Variants in TNR observed in about 807,000 individuals in gnomAD.
TNR encodes tenascin R.
Under a neutral mutation model 150.4 loss-of-function variants are expected in TNR, and 45 were observed. That is an observed-to-expected ratio of 0.30 (90% CI 0.24 to 0.38). The LOEUF (loss-of-function observed/expected upper bound fraction) is 0.38, where lower values mean the gene tolerates loss of function less well. Among genes scored for constraint, TNR ranks in the 10% least tolerant of loss-of-function variants. The pLI is 1.00. For synonymous variants in TNR, 687 were observed against 678.4 expected (o/e 1.01, Z -0.20); for missense variants, 1,544 against 1,759.1 (o/e 0.88, Z 2.19).
chr1:175,394,035 C>A (rs1571379493), intron 5 of TNR, 140 bp from the exon 6 acceptor site: 2 of 660,868 alleles, frequency 3.0e-6, no homozygotes, highest in East Asian at 2.7e-5. Flanking sequence ...TTGCTCCAGA[C>A]ACAGTGAGTC....
At chr1:175,515,400 A>G (rs1285235855) in intron 2 of TNR, among the ~76,000 whole-genome samples, 3 of 152,216 alleles carry the variant, frequency 2.0e-5, no homozygotes, top group African/African-American at 7.2e-5. Flanking sequence ...CGCCTAATTC[A>G]GTCTAGGTTT....
At chr1:175,452,939 A>G (rs1308133478) in intron 2 of TNR, among the ~76,000 whole-genome samples, 2 of 152,116 alleles carry the variant, frequency 1.3e-5, no homozygotes, top group Non-Finnish European at 2.9e-5. Flanking sequence ...ATGTGGAGGG[A>G]GAGAAGCCCT....
chr1:175,335,508 G>C, intron 20 of TNR: 2 of 531,792 alleles, frequency 3.8e-6, no homozygotes, highest in Non-Finnish European at 6.6e-6. Flanking sequence ...GGAAGAGACA[G>C]AGAAAAGAGG....
chr1:175,666,580 A>G (rs1665537678), intron 1 of TNR, among the ~76,000 whole-genome samples: 1 of 152,232 alleles, frequency 6.6e-6, no homozygotes, highest in Non-Finnish European at 1.5e-5. Flanking sequence ...CGTGCTGCCA[A>G]GCCCGTCATC....
chr1:175,505,385 G>A (rs79482642), intron 2 of TNR, among the ~76,000 whole-genome samples: 2 of 152,226 alleles, frequency 1.3e-5, no homozygotes, highest in Non-Finnish European at 1.5e-5. Context: ...CTGACTGAGC[G>A]AGCAGGGAGA....
In TNR at chr1:175,365,166, T is replaced by TGGG; in HGVS notation, c.2428_2430dup (p.Pro810dup). On this transcript the variant is annotated inframe_insertion, in exon 12 of 23. Transcript: ENST00000367674. ...TCCATCATCTCTTCCTCCTCATCCC[T>TGGG]GGGGCTGTAGTTAAGAATGAGTCTG... 1 of 1,614,078 alleles carries TGGG rather than the reference T, an allele frequency of 6.2e-7. No individual in the cohort carries two copies. The highest frequency in any genetic ancestry group is 8.5e-7 in the Non-Finnish European group (1 of 1,179,992).
chr1:175,671,950 T>TGTGTGTGTGTGTGTG (rs1491413157), intron 1 of TNR, among the ~76,000 whole-genome samples: 10 of 137,952 alleles, frequency 7.2e-5, no homozygotes, highest in African/African-American at 2.4e-4. Flanking sequence ...TGTGTGTGTG[T>TGTGTGTGTGTGTGTG]TGGAGAGGGG....
chr1:175,690,270 C>G (rs918658975), intron 1 of TNR, among the ~76,000 whole-genome samples: 2 of 152,178 alleles, frequency 1.3e-5, no homozygotes, highest in African/African-American at 4.8e-5. Flanking sequence ...GTGACAAAGA[C>G]AGATGAGGTC....
intron 1 of TNR, among the ~76,000 whole-genome samples, chr1:175,691,940 G>A (rs1377633301): frequency 6.6e-6 from 1 of 152,046 alleles, no homozygotes; most frequent in Non-Finnish European, 1.5e-5. Context: ...GGGCTTCCTT[G>A]AGAAGAATAC....
At chr1:175,451,472 GCCAGCCGCCAGCCT>G (rs1034644720) in intron 2 of TNR, among the ~76,000 whole-genome samples, 59 of 214 alleles carry the variant, frequency 0.28, no homozygotes, top group African/African-American at 0.44. Context: ...TGATCTAGAA[GCCAGCCGCCAGCCT>G]CCAGGCCTCC....
chr1:175,325,322 C>T (rs1054096209), intron 21 of TNR, among the ~76,000 whole-genome samples: 1 of 152,174 alleles, frequency 6.6e-6, no homozygotes, highest in African/African-American at 2.4e-5. Flanking sequence ...AATGAGATAC[C>T]ATCTCACACC....
At chr1:175,665,092 A>T (rs1232548461) in intron 1 of TNR, among the ~76,000 whole-genome samples, 2 of 152,232 alleles carry the variant, frequency 1.3e-5, no homozygotes, top group African/African-American at 4.8e-5. Flanking sequence ...TCTCAACGTT[A>T]GCCAGTTGGT....
At chr1:175,494,742 T>C (rs897255939) in intron 2 of TNR, among the ~76,000 whole-genome samples, 7 of 152,224 alleles carry the variant, frequency 4.6e-5, no homozygotes, top group African/African-American at 1.7e-4. Flanking sequence ...ACCATGTATC[T>C]GTTCCATTTC....
chr1:175,566,936 G>A (rs149603549), intron 1 of TNR, among the ~76,000 whole-genome samples: 1,811 of 152,320 alleles, frequency 0.012, 18 homozygotes, highest in Admixed American at 0.021. Flanking sequence ...TGCAGCTACT[G>A]TCCCTACTGA....
intron 2 of TNR, among the ~76,000 whole-genome samples, chr1:175,441,884 G>A (rs1487947680): frequency 6.6e-6 from 1 of 152,198 alleles, no homozygotes; most frequent in African/African-American, 2.4e-5. Flanking sequence ...CCAAGGTGGT[G>A]GGGGTTAGAT....
intron 2 of TNR, among the ~76,000 whole-genome samples, chr1:175,497,705 G>A (rs78088213): frequency 0.015 from 2,251 of 152,186 alleles, 60 homozygotes; most frequent in African/African-American, 0.052. Flanking sequence ...GGCCCTCATC[G>A]GTACCATGAG....
intron 1 of TNR, among the ~76,000 whole-genome samples, chr1:175,529,441 A>C (rs924805339): frequency 2.0e-5 from 3 of 152,320 alleles, no homozygotes; most frequent in Middle Eastern, 3.4e-3. Flanking sequence ...TTCCATCTTG[A>C]GTGAATACTC....
chr1:175,341,025 T>C (rs1032907239), intron 18 of TNR, among the ~76,000 whole-genome samples: 8 of 152,218 alleles, frequency 5.3e-5, no homozygotes, highest in African/African-American at 1.9e-4. Context: ...TCCTAGTATT[T>C]ATTGTTTTGT....
At chr1:175,594,663 T>A (rs1428470875) in intron 1 of TNR, among the ~76,000 whole-genome samples, 1 of 152,084 alleles carries the variant, frequency 6.6e-6, no homozygotes, top group Admixed American at 6.6e-5. Flanking sequence ...GAGACCAGCC[T>A]GGGCAACACA....
Sources: allele counts gnomAD v4.1 joint callset (sites outside exome capture counted in the v4.1 genomes callset), GRCh38; gene constraint gnomAD v4.1.1; transcripts MANE v1.5; gene names NCBI Gene and HGNC (gene_info 2026-07-23, HGNC 2026-07-21).